Variants in CTNND2 observed in about 807,000 individuals in gnomAD.
The protein encoded by CTNND2 is catenin delta 2.
A neutral mutation model predicts 144.4 loss-of-function variants in CTNND2; 22 were observed. The ratio of observed to expected loss-of-function variants is 0.15; its 90% confidence interval spans 0.11 to 0.22. The LOEUF (loss-of-function observed/expected upper bound fraction) is 0.22. CTNND2 is among the 10% of genes least tolerant of loss of function. The pLI, the probability that CTNND2 is intolerant of heterozygous loss-of-function variation, is 1.00. For synonymous variants in CTNND2, 751 were observed against 695.6 expected (o/e 1.08, Z -1.25); for missense variants, 1,353 against 1,618.8 (o/e 0.84, Z 2.82).
chr5:11,170,726 A>G (rs1373814076), intron 11 of CTNND2, among the ~76,000 whole-genome samples: 1 of 152,160 alleles, frequency 6.6e-6, no homozygotes, highest in Non-Finnish European at 1.5e-5. Flanking sequence ...TTTCAGTTAC[A>G]TCAAAATTGT....
chr5:11,311,100 ACT>A (rs1360638165), intron 9 of CTNND2, among the ~76,000 whole-genome samples: 2 of 131,716 alleles, frequency 1.5e-5, no homozygotes, highest in South Asian at 2.5e-4. Context: ...ACACTCTCAC[ACT>A]CTCTCCATGC....
At chr5:11,175,270 A>G (rs558454937) in intron 11 of CTNND2, among the ~76,000 whole-genome samples, 2 of 152,174 alleles carry the variant, frequency 1.3e-5, no homozygotes, top group South Asian at 4.2e-4. Context: ...CTAGATGAAC[A>G]TAATAGTATT....
intron 2 of CTNND2, among the ~76,000 whole-genome samples, chr5:11,605,484 A>C (rs1343484148): frequency 6.6e-6 from 1 of 152,244 alleles, no homozygotes; most frequent in Non-Finnish European, 1.5e-5. Context: ...AGCCCCTTAT[A>C]GACCATATTA....
intron 18 of CTNND2, among the ~76,000 whole-genome samples, chr5:11,000,612 A>C (rs1579997731): frequency 6.6e-6 from 1 of 152,226 alleles, no homozygotes; most frequent in Non-Finnish European, 1.5e-5. Flanking sequence ...ACTGTCTGGC[A>C]AGGCTCAAAA....
intron 1 of CTNND2, among the ~76,000 whole-genome samples, chr5:11,832,049 C>A (rs1040398647): frequency 7.2e-5 from 11 of 152,050 alleles, no homozygotes; most frequent in African/African-American, 2.7e-4. Flanking sequence ...TTTGGGAGTC[C>A]TAGACAGGTG....
intron 2 of CTNND2, among the ~76,000 whole-genome samples, chr5:11,641,448 T>TAG (rs1270196473): frequency 4.2e-5 from 6 of 144,344 alleles, no homozygotes; most frequent in Non-Finnish European, 7.4e-5. Context: ...TAAAAGGATA[T>TAG]ATATATATAT....
At chr5:11,605,438 G>A (rs374945195) in intron 2 of CTNND2, among the ~76,000 whole-genome samples, 2 of 152,152 alleles carry the variant, frequency 1.3e-5, no homozygotes, top group South Asian at 4.1e-4. Context: ...AAGTCAAACA[G>A]TCTGGTAAAA....
At chr5:11,440,972 T>C (rs1764207668) in intron 3 of CTNND2, among the ~76,000 whole-genome samples, 1 of 152,210 alleles carries the variant, frequency 6.6e-6, no homozygotes, top group Non-Finnish European at 1.5e-5. Context: ...CAAAGAGATA[T>C]AAACTATATA....
At chr5:11,133,873 T>C (rs536238661) in intron 12 of CTNND2, among the ~76,000 whole-genome samples, 16 of 152,344 alleles carry the variant, frequency 1.1e-4, no homozygotes, top group African/African-American at 3.6e-4. Context: ...GCTTCCATTA[T>C]TGTCATGATT....
At chr5:11,488,219 T>A (rs10068596) in intron 3 of CTNND2, among the ~76,000 whole-genome samples, 6,266 of 152,322 alleles carry the variant, frequency 0.041, 437 homozygotes, top group African/African-American at 0.14. Context: ...AATTTTTTTA[T>A]AACGTTTATA....
chr5:11,083,361 G>A (rs1038711534), intron 15 of CTNND2, among the ~76,000 whole-genome samples: 1 of 152,196 alleles, frequency 6.6e-6, no homozygotes, highest in Non-Finnish European at 1.5e-5. Flanking sequence ...GTCAGAAATA[G>A]GCAGGGGTGG....
At chr5:11,270,636 A>G (rs1745902750) in intron 9 of CTNND2, among the ~76,000 whole-genome samples, 1 of 152,224 alleles carries the variant, frequency 6.6e-6, no homozygotes, top group African/African-American at 2.4e-5. Flanking sequence ...ACATGGTACC[A>G]TGAGAAGCAG....
chr5:11,497,519 T>TGGGGGGGGGGGGA (rs1234235644), intron 3 of CTNND2, among the ~76,000 whole-genome samples: 1 of 13,746 alleles, frequency 7.3e-5, no homozygotes, highest in Non-Finnish European at 1.6e-4. Flanking sequence ...TGCGGGGGGG[T>TGGGGGGGGGGGGA]GGGGGGGGGC....
intron 2 of CTNND2, among the ~76,000 whole-genome samples, chr5:11,644,500 CT>C (rs1782243420): frequency 6.6e-6 from 1 of 152,018 alleles, no homozygotes; most frequent in Non-Finnish European, 1.5e-5. Flanking sequence ...CAGTGAAACC[CT>C]GTCTCTACTA....
At chr5:11,189,752 C>T (rs61751813) in intron 11 of CTNND2, among the ~76,000 whole-genome samples, 3,676 of 152,180 alleles carry the variant, frequency 0.024, 70 homozygotes, top group Non-Finnish European at 0.033. Context: ...ACTCTTGGGT[C>T]GTTCAAGGGT....
chr5:11,771,638 T>G (rs772784484), intron 1 of CTNND2, among the ~76,000 whole-genome samples: 42 of 152,232 alleles, frequency 2.8e-4, no homozygotes, highest in Admixed American at 9.8e-4. Context: ...TACCTTCTCC[T>G]GACCCCCGTC....
chr5:10,974,109 C>G (rs1355530164), intron 21 of CTNND2, among the ~76,000 whole-genome samples: 1 of 152,164 alleles, frequency 6.6e-6, no homozygotes, highest in Non-Finnish European at 1.5e-5. Flanking sequence ...TCCTCATCCC[C>G]TCTCTCTCAG....
intron 10 of CTNND2, among the ~76,000 whole-genome samples, chr5:11,201,876 A>T (rs900978114): frequency 6.6e-6 from 1 of 152,160 alleles, no homozygotes. Flanking sequence ...CCCAAGAGAG[A>T]TGATGTTTGT....
intron 8 of CTNND2, among the ~76,000 whole-genome samples, chr5:11,350,756 A>G (rs908930214): frequency 2.0e-5 from 3 of 152,208 alleles, no homozygotes; most frequent in African/African-American, 7.2e-5. Context: ...AGGTTATATA[A>G]TCATACAGAA....
Sources: gnomAD v4.1 joint callset for allele counts (sites outside exome capture counted in the v4.1 genomes callset) on GRCh38, gnomAD v4.1.1 for gene constraint, MANE v1.5 for transcripts, NCBI Gene and HGNC (gene_info 2026-07-23, HGNC 2026-07-21) for gene names.